Variants in SAMSN1 observed in about 807,000 individuals in gnomAD.
The protein encoded by SAMSN1 is SAM domain-containing protein SAMSN-1.
In SAMSN1, 31 loss-of-function variants were observed where a neutral mutation model predicts 42.0. The observed-to-expected ratio is 0.74, with a 90% CI of 0.55 to 1.00. The LOEUF is 1.00. Ranked by LOEUF, SAMSN1 falls within the 50% of genes least tolerant of loss-of-function variation. The probability of loss-of-function intolerance (pLI) is 0.00; values close to 1 mark genes in which losing one functional copy is unlikely to be tolerated. For synonymous variants in SAMSN1, 178 were observed against 151.9 expected, an observed-to-expected ratio of 1.17 and a Z score of -1.26; for missense variants, 464 against 439.4, an observed-to-expected ratio of 1.06 and a Z score of -0.50.
intron 2 of SAMSN1, among the ~76,000 whole-genome samples, chr21:14,555,896 A>G (rs1325311601): frequency 2.0e-5 from 3 of 152,174 alleles, no homozygotes; most frequent in Admixed American, 2.0e-4. Context: ...AAATTTTGTT[A>G]TTAACTTTTA....
chr21:14,502,291 G>A lies in SAMSN1; in HGVS notation c.562-1556C>T, dbSNP rs57460587. On this transcript the variant is annotated intron_variant, in intron 5 of 7. Transcript: ENST00000400566. Reference sequence around the variant, plus strand: ...TTTAATGAAAGGGAATCAAATCATAGGTTGGATGGTATCAGCTAGGGAGAC... The same window carrying A: ...TTTAATGAAAGGGAATCAAATCATAAGTTGGATGGTATCAGCTAGGGAGAC... 4.6e-5 allele frequency among the ~76,000 whole-genome samples: 7 copies of A among 152,238 alleles called. No individual in the cohort carries two copies. The East Asian group carries it at 7.7e-4, about 17-fold the overall frequency.
upstream of SAMSN1, chr21:14,658,892 C>T (rs1983956835): frequency 3.0e-6 from 2 of 663,632 alleles, no homozygotes; most frequent in African/African-American, 3.6e-5. Context: ...AAGTAAAATC[C>T]CTGCCATAAT....
At chr21:14,601,918 T>C in intron 6 of SAMSN1, 1 of 415,900 alleles carries the variant, frequency 2.4e-6, no homozygotes, top group Admixed American at 4.1e-5. Context: ...AAATAGAAAC[T>C]AGCTAAAAGG....
At chr21:14,639,228 G>T (rs566529971) in intron 2 of SAMSN1, among the ~76,000 whole-genome samples, 78 of 152,256 alleles carry the variant, frequency 5.1e-4, no homozygotes, top group African/African-American at 1.8e-3. Flanking sequence ...GTCTTAATCT[G>T]TTTTGTGTTG....
At chr21:14,539,894 T>C (rs1979893967) in intron 1 of SAMSN1, among the ~76,000 whole-genome samples, 1 of 152,156 alleles carries the variant, frequency 6.6e-6, no homozygotes, top group South Asian at 2.1e-4. Flanking sequence ...CTTCAAACTA[T>C]ACTACAAGAC....
intron 2 of SAMSN1, among the ~76,000 whole-genome samples, chr21:14,618,679 T>C (rs1982911320): frequency 2.5e-5 from 2 of 79,750 alleles, no homozygotes; most frequent in South Asian, 3.7e-4. Flanking sequence ...TGTGTGTGTG[T>C]GTGTGTGTGT....
intron 6 of SAMSN1, among the ~76,000 whole-genome samples, chr21:14,595,049 A>G (rs1022679704): frequency 2.6e-5 from 4 of 152,102 alleles, no homozygotes; most frequent in Non-Finnish European, 5.9e-5. Flanking sequence ...GGGGCTACAC[A>G]CTTGTAAACA....
intron 2 of SAMSN1, among the ~76,000 whole-genome samples, chr21:14,559,526 G>T (rs1420872085): frequency 6.6e-6 from 1 of 152,126 alleles, no homozygotes; most frequent in East Asian, 1.9e-4. Context: ...TTTCCAGAGA[G>T]TGGGGCTCTC....
At chr21:14,646,906 A>T (rs1427049342) in intron 1 of SAMSN1, among the ~76,000 whole-genome samples, 1 of 152,218 alleles carries the variant, frequency 6.6e-6, no homozygotes, top group South Asian at 2.1e-4. Flanking sequence ...AAACCAAAAA[A>T]CATACAATGA....
At chr21:14,540,761 G>A (rs936590033) in intron 1 of SAMSN1, among the ~76,000 whole-genome samples, 2 of 152,204 alleles carry the variant, frequency 1.3e-5, no homozygotes, top group African/African-American at 4.8e-5. Context: ...AATTCCATTT[G>A]AGCCAGCCAT....
At chr21:14,616,019 G>A in intron 2 of SAMSN1, 1 of 579,622 alleles carries the variant, frequency 1.7e-6, no homozygotes, top group Non-Finnish European at 3.2e-6. Context: ...GAAACTCCCT[G>A]TAAAATAAAA....
chr21:14,613,303 G>A (rs1296416197), intron 3 of SAMSN1, among the ~76,000 whole-genome samples: 6 of 152,070 alleles, frequency 3.9e-5, no homozygotes, highest in Non-Finnish European at 8.8e-5. Flanking sequence ...TAAAATAAAA[G>A]ATCTGGAAAA....
chr21:14,499,106 G>A (rs992302988), intron 6 of SAMSN1, among the ~76,000 whole-genome samples: 2 of 152,146 alleles, frequency 1.3e-5, no homozygotes, highest in African/African-American at 4.8e-5. Context: ...AGTGGGTGTA[G>A]CATTTTGATT....
At chr21:14,491,532 C>T (rs1600855109) in intron 7 of SAMSN1, among the ~76,000 whole-genome samples, 1 of 152,194 alleles carries the variant, frequency 6.6e-6, no homozygotes, top group Non-Finnish European at 1.5e-5. Context: ...GAAATCTGTA[C>T]AAACAAGCCA....
At chr21:14,607,635 T>A (rs531576440) in intron 5 of SAMSN1, among the ~76,000 whole-genome samples, 1 of 152,314 alleles carries the variant, frequency 6.6e-6, no homozygotes, top group Admixed American at 6.5e-5. Context: ...CTTTCTTCCT[T>A]CTCTGACAAA....
intron 3 of SAMSN1, 36 bp downstream of exon 3, chr21:14,516,855 AG>A: frequency 6.5e-7 from 1 of 1,543,604 alleles, no homozygotes; most frequent in Non-Finnish European, 8.8e-7. Context: ...AGAAAGTTTT[AG>A]TAGAAAAATA....
At chr21:14,639,696 C>A (rs944846416) in intron 2 of SAMSN1, among the ~76,000 whole-genome samples, 1 of 152,078 alleles carries the variant, frequency 6.6e-6, no homozygotes, top group Non-Finnish European at 1.5e-5. Flanking sequence ...CAAGCAGTTA[C>A]AGGCTACATT....
chr21:14,565,001 G>A (rs1484737228), intron 2 of SAMSN1, among the ~76,000 whole-genome samples: 1 of 152,058 alleles, frequency 6.6e-6, no homozygotes, highest in African/African-American at 2.4e-5. Flanking sequence ...GAAGAAAAAA[G>A]AACATGTTTT....
At chr21:14,598,413 A>C (rs1380666901) in intron 6 of SAMSN1, 1 of 152,182 alleles carries the variant, frequency 6.6e-6, no homozygotes, top group Non-Finnish European at 1.5e-5. Flanking sequence ...CAAGAACAAG[A>C]ATGCAAAAAT....
Sources: allele counts gnomAD v4.1 joint callset (sites outside exome capture counted in the v4.1 genomes callset), GRCh38; gene constraint gnomAD v4.1.1; transcripts MANE v1.5; gene names NCBI Gene and HGNC (gene_info 2026-07-23, HGNC 2026-07-21).